The following SPRED2 variants were observed in gnomAD, a reference collection of about 807,000 sequenced individuals.
SPRED2 encodes the protein sprouty related EVH1 domain containing 2.
A neutral mutation model predicts 43.0 loss-of-function variants in SPRED2; 47 were observed. That is an observed-to-expected ratio of 1.09 (90% confidence interval 0.87 to 1.40). The LOEUF (loss-of-function observed/expected upper bound fraction) is 1.40, where lower values mean the gene tolerates loss of function less well. Among genes scored for constraint, SPRED2 ranks in the 40% most tolerant of loss-of-function variants. The probability of loss-of-function intolerance (pLI) is 0.00; values close to 1 mark genes in which losing one functional copy is unlikely to be tolerated. For missense variants in SPRED2, 561 were observed against 586.4 expected (o/e 0.96, Z 0.45); for synonymous variants, 225 against 225.7 (o/e 1.00, Z 0.03).
At position 65,312,546 on chromosome 2, in the gene SPRED2, A is replaced by C; in HGVS notation, c.*955T>G. 1 of 985,500 alleles carries C rather than the reference A, an allele frequency of 1.0e-6. No individual in the cohort carries two copies. The highest frequency in any genetic ancestry group is 4.7e-5 in the South Asian group (1 of 21,286). 61.0% of individuals were successfully genotyped at this position (985,500 alleles called of 1,614,324 possible). ...TGGGAACACTGATTTGTGTTTGAGG[A>C]AACTATTTGGTTTGCAAAACAACAA... is the stretch of plus-strand genomic sequence containing the variant. On this transcript the variant is annotated 3_prime_UTR_variant, in exon 6 of 6. Transcript: ENST00000356388.
chr2:65,354,348 C>G (rs1674587850), intron 1 of SPRED2, among the ~76,000 whole-genome samples: 1 of 152,196 alleles, frequency 6.6e-6, no homozygotes, highest in Admixed American at 6.5e-5. Context: ...CCCAGGCACA[C>G]TGGAAGTTAC....
At chr2:65,366,589 C>T (rs1309890683) in intron 1 of SPRED2, 1 of 1,553,448 alleles carries the variant, frequency 6.4e-7, no homozygotes, top group Non-Finnish European at 8.7e-7. Flanking sequence ...TAAGCACGTA[C>T]CTGCCAGGCG....
chr2:65,421,689 A>C (rs1411729239), intron 1 of SPRED2, among the ~76,000 whole-genome samples: 1 of 152,024 alleles, frequency 6.6e-6, no homozygotes. Context: ...AGAAAAGGCC[A>C]CCTGGATTGG....
Position 65,322,288 on chromosome 2 carries a change from A to ATTTTT in SPRED2, c.439-5406_439-5405insAAAAA, listed in dbSNP as rs1286632853. 1.4e-4 allele frequency among the ~76,000 whole-genome samples: 12 copies of ATTTTT among 88,530 alleles called. 1 individual carries two copies. Among genetic ancestry groups the ATTTTT allele is most frequent in the African/African-American group, 6.5e-4 (12 of 18,470 alleles). 58.1% of individuals were successfully genotyped at this position (88,530 alleles called of 152,430 possible). On this transcript the variant is annotated intron_variant, in intron 4 of 5. Coordinates refer to ENST00000356388, the MANE Select transcript of SPRED2 (RefSeq NM_181784.3). Reference sequence around the variant, plus strand: ...TCTCTCTCTATATATATATATATATATATATATTTTTTTTTTTTTTTTTGA... The same window carrying ATTTTT: ...TCTCTCTCTATATATATATATATATATTTTTTATATATTTTTTTTTTTTTTTTTGA...
chr2:65,348,792 TAA>T (rs11455990), intron 1 of SPRED2, among the ~76,000 whole-genome samples: 2 of 145,736 alleles, frequency 1.4e-5, no homozygotes, highest in African/African-American at 2.5e-5. Context: ...AAACTCCGTC[TAA>T]AAAAAAAAAA....
rs1014449535 is a variant in SPRED2, at chr2:65,313,391, C to A, written c.*110G>T. On this transcript the variant is annotated 3_prime_UTR_variant, in exon 6 of 6. Coordinates refer to ENST00000356388, the MANE Select transcript of SPRED2 (RefSeq NM_181784.3). ...GAGGTACCAGGGAGCTGGGAGGCCG[C>A]TTGCCCTCCTCGCTCCTTGGAGTGG... is the stretch of plus-strand genomic sequence containing the variant. 1.2e-5 allele frequency: 18 copies of A among 1,500,900 alleles called. No individual in the cohort carries two copies. In the Admixed American group the frequency reaches 3.0e-4, roughly 25 times the overall value. The allele number at this position is 1,500,900 out of a possible 1,614,324, so 93.0% of individuals were successfully genotyped here. A position where few individuals can be genotyped will look rare whatever the true frequency, so the allele number is the denominator to read the frequency against.
In SPRED2 at chr2:65,313,065, C is replaced by G; in HGVS notation, c.*436G>C. The G allele has an allele frequency of 2.0e-6, 2 of 988,220 alleles. No individual in the cohort carries two copies. Among genetic ancestry groups the G allele is most frequent in the Non-Finnish European group, 2.4e-6 (2 of 832,038 alleles). The allele number at this position is 988,220 out of a possible 1,614,324, so 61.2% of individuals were successfully genotyped here. A position where few individuals can be genotyped will look rare whatever the true frequency, so the allele number is the denominator to read the frequency against. Reference sequence around the variant, plus strand: ...CTTGCTAGCGACAGGCAAGGTGAACCAAGAGAAAGAGAGTCTTCGACGCTC... The same window carrying G: ...CTTGCTAGCGACAGGCAAGGTGAACGAAGAGAAAGAGAGTCTTCGACGCTC... On this transcript the variant is annotated 3_prime_UTR_variant, in exon 6 of 6. Transcript: ENST00000356388.
intron 1 of SPRED2, among the ~76,000 whole-genome samples, chr2:65,396,585 T>C (rs775272980): frequency 2.0e-5 from 3 of 152,252 alleles, no homozygotes; most frequent in Non-Finnish European, 4.4e-5. Context: ...CTTTGAAGAC[T>C]ACGGAACCAG....
intron 1 of SPRED2, among the ~76,000 whole-genome samples, chr2:65,384,968 A>ACTT (rs35189158): frequency 0.53 from 65,384 of 122,604 alleles, 15,426 homozygotes; most frequent in African/African-American, 0.59. Context: ...TTTGCTTTCC[A>ACTT]CTTCTTCTTT....
At chr2:65,361,942 A>G (rs549897853) in intron 1 of SPRED2, among the ~76,000 whole-genome samples, 1 of 152,318 alleles carries the variant, frequency 6.6e-6, no homozygotes, top group African/African-American at 2.4e-5. Flanking sequence ...CATCTCCTCC[A>G]CTGGATGGGT....
At chr2:65,369,718 C>T (rs1278017161) in intron 1 of SPRED2, among the ~76,000 whole-genome samples, 1 of 15,718 alleles carries the variant, frequency 6.4e-5, no homozygotes, top group East Asian at 2.6e-3. Flanking sequence ...CTCTGTGCCA[C>T]CAGCAGCTGA....
At chr2:65,350,312 GCTAT>G (rs927130158) in intron 1 of SPRED2, among the ~76,000 whole-genome samples, 3 of 152,178 alleles carry the variant, frequency 2.0e-5, no homozygotes, top group Non-Finnish European at 2.9e-5. Context: ...GTCAAAACAT[GCTAT>G]CTTTGTCAAA....
chr2:65,367,542 T>C (rs1442041382), intron 1 of SPRED2, among the ~76,000 whole-genome samples: 3 of 152,224 alleles, frequency 2.0e-5, no homozygotes, highest in South Asian at 2.1e-4. Flanking sequence ...TAGTTAGGTA[T>C]AGAGCTACCA....
intron 1 of SPRED2, among the ~76,000 whole-genome samples, chr2:65,383,941 G>A (rs1450630603): frequency 2.0e-5 from 3 of 152,218 alleles, no homozygotes. Flanking sequence ...GTCATTTGCT[G>A]TAGCTGAGCA....
intron 1 of SPRED2, among the ~76,000 whole-genome samples, chr2:65,372,911 A>C (rs1401700730): frequency 6.6e-6 from 1 of 152,206 alleles, no homozygotes; most frequent in East Asian, 1.9e-4. Flanking sequence ...AATTCTAAGA[A>C]TAGTCTTAAG....
At chr2:65,359,890 C>T (rs1674753716) in intron 1 of SPRED2, among the ~76,000 whole-genome samples, 1 of 151,922 alleles carries the variant, frequency 6.6e-6, no homozygotes, top group African/African-American at 2.4e-5. Context: ...CATGGTGAAA[C>T]TCCGTCTCTA....
intron 2 of SPRED2, among the ~76,000 whole-genome samples, chr2:65,339,416 A>G (rs1446885045): frequency 9.2e-5 from 14 of 151,604 alleles, no homozygotes; most frequent in East Asian, 5.9e-4. Flanking sequence ...CTGTTGATCT[A>G]TGACCTTACC....
intron 1 of SPRED2, among the ~76,000 whole-genome samples, chr2:65,395,730 G>A (rs1010632366): frequency 1.3e-5 from 2 of 152,142 alleles, no homozygotes; most frequent in Non-Finnish European, 2.9e-5. Context: ...GGGGTATCGG[G>A]CACCTGGGAT....
chr2:65,369,887 T>C lies in SPRED2; in HGVS notation c.27-24991A>G, dbSNP rs376100065. ...ACCTGGAAAGCAGCCTGGACATATA[T>C]GTCTTCTGCCTCTGAGCTCTCCAGG... On this transcript the variant is annotated intron_variant, in intron 1 of 5. Coordinates refer to ENST00000356388, the MANE Select transcript of SPRED2 (RefSeq NM_181784.3). 5.3e-5 allele frequency among the ~76,000 whole-genome samples: 8 copies of C among 152,368 alleles called. 1 individual carries two copies. The highest frequency in any genetic ancestry group is 1.9e-4 in the African/African-American group (8 of 41,594).
Sources: gnomAD v4.1 joint callset for allele counts (sites outside exome capture counted in the v4.1 genomes callset) on GRCh38, gnomAD v4.1.1 for gene constraint, MANE v1.5 for transcripts, NCBI Gene and HGNC (gene_info 2026-07-23, HGNC 2026-07-21) for gene names.